Variants in PELI3 observed in about 807,000 individuals in gnomAD.
PELI3 encodes the protein pellino E3 ubiquitin protein ligase family member 3.
PELI3 carries 19 observed loss-of-function variants against 35.5 expected under a neutral mutation model. That is an observed-to-expected ratio of 0.54 (90% CI 0.37 to 0.79). The LOEUF is 0.79. Ranked by LOEUF, PELI3 falls within the 30% of genes least tolerant of loss-of-function variation. The probability of loss-of-function intolerance (pLI) is 0.00; values close to 1 mark genes in which losing one functional copy is unlikely to be tolerated. For synonymous variants in PELI3, 262 were observed against 279.2 expected (o/e 0.94, Z 0.62); for missense variants, 490 against 661.2 (o/e 0.74, Z 2.84).
Position 66,471,239 on chromosome 11 carries a change from C to T in PELI3, c.225-3C>T, listed in dbSNP as rs1292054245. 1.2e-6 allele frequency: 2 copies of T among 1,610,416 alleles called. No individual in the cohort carries two copies. The highest frequency in any genetic ancestry group is 2.2e-5 in the East Asian group (1 of 44,766). On this transcript the variant is annotated splice_region_variant and splice_polypyrimidine_tract_variant and intron_variant, in intron 3 of 7. Transcript: ENST00000320740. The stretch of plus-strand genomic sequence containing the variant: ...CCTTCTTCTTAACCCCCGACATCTA[C>T]AGCTACAATGGTTGTCTGGCAAGTG...
At position 66,473,849 on chromosome 11, in the gene PELI3, T is replaced by C; in HGVS notation, c.764T>C (p.Val255Ala). 1 of 1,613,810 alleles carries C rather than the reference T, an allele frequency of 6.2e-7. No homozygotes were observed. Among genetic ancestry groups the C allele is most frequent in the Non-Finnish European group, 8.5e-7 (1 of 1,179,994 alleles). The change falls in exon 7 of 8, where the codon GTC (valine) becomes GCC (alanine). Residue 255 changes from valine (V) to alanine (A), a missense_variant. Val to Ala is a moderately conservative substitution (Grantham distance 64, BLOSUM62 0). Transcript: ENST00000320740. This position sits in a 1 kb window ranked among gnomAD's most constrained non-coding sequence, Gnocchi z 5.8. ...GGFSEDSAPG[V>A]WREISVCGNV... ...TTCTCCGAGGACTCAGCCCCGGGTG[T>C]CTGGCGGGAGATCTCGGTCTGTGGG...
At chr11:66,472,559 T>C (rs1854761345) in intron 5 of PELI3, 89 bp downstream of exon 5, 1 of 1,082,328 alleles carries the variant, frequency 9.2e-7, no homozygotes, top group Non-Finnish European at 1.4e-6. Context: ...TGGGAGGCCA[T>C]GGGAAAGCTG....
Position 66,476,539 on chromosome 11 carries a change from A to C in PELI3, c.*372A>C. 1 of 243,248 alleles carries C rather than the reference A, an allele frequency of 4.1e-6. No homozygotes were observed. Among genetic ancestry groups the C allele is most frequent in the South Asian group, 6.9e-5 (1 of 14,558 alleles). The allele number at this position is 243,248 out of a possible 1,614,324, so 15.1% of individuals were successfully genotyped here. A position where few individuals can be genotyped will look rare whatever the true frequency, so the allele number is the denominator to read the frequency against. On this transcript the variant is annotated 3_prime_UTR_variant, in exon 8 of 8. Coordinates refer to ENST00000320740, the MANE Select transcript of PELI3 (RefSeq NM_145065.3). ...GGCTGGCTATGCCCTGAGCCTGCCA[A>C]CCCAGTTTCAGACACTCATCCTTCA...
chr11:66,466,694 G>C (rs976635026), upstream of PELI3: 15 of 152,462 alleles, frequency 9.8e-5, no homozygotes, highest in Admixed American at 2.0e-4. Context: ...AGTGGAGAGC[G>C]GGGCTTCCCT....
Position 66,473,744 on chromosome 11 carries a change from C to T in PELI3, c.659C>T (p.Ala220Val). ...TCCCTCATGTGGTCCCAGGAGCGAG[C>T]GGCCAAATGGCGGACCCCAGATGGC... ...ASSNIFLGER[A>V]AKWRTPDGLM... The change falls in exon 7 of 8, where the codon GCG (alanine) becomes GTG (valine). Residue 220 changes from alanine to valine, a missense_variant. Ala to Val is a moderately conservative substitution (Grantham distance 64). Around this residue, in one of 3 missense-constraint regions of PELI3, gnomAD observed 349 missense variants for 484.8 expected, o/e 0.72. Transcript: ENST00000320740. The surrounding 1 kb of genome is among the most constrained non-coding windows in gnomAD (Gnocchi z 5.8). The T allele has an allele frequency of 1.2e-6, 2 of 1,613,718 alleles. No individual in the cohort carries two copies. The highest frequency in any genetic ancestry group is 1.1e-5 in the South Asian group (1 of 91,082).
intron 3 of PELI3, among the ~76,000 whole-genome samples, chr11:66,469,567 T>G (rs995202154): frequency 2.0e-5 from 3 of 152,236 alleles, no homozygotes; most frequent in African/African-American, 7.2e-5. Flanking sequence ...GAAAAGCAGC[T>G]GCTTCATATC....
In PELI3 at chr11:66,471,310, C is replaced by A; in HGVS notation, c.293C>A (p.Ser98Ter). 6.2e-7 allele frequency: 1 copy of A among 1,614,008 alleles called. No individual in the cohort carries two copies. The highest frequency in any genetic ancestry group is 8.5e-7 in the Non-Finnish European group (1 of 1,179,988). ...AGCCGCCTGGCACTGAGCCGCCGGT[C>A]GCACGCCAACGGGGTGAAGCCAGAC... ...RRSRLALSRRSHANGVKPDVM... is the reference protein window; with the variant it reads ...RRSRLALSRR The change falls in exon 4 of 8, where the codon TCG (serine) becomes TAG (stop). Residue 98 changes from serine (S) to a stop codon, truncating the protein, a stop_gained. Transcript: ENST00000320740. LOFTEE classifies it high-confidence loss of function.
chr11:66,473,491 T>C lies in PELI3; in HGVS notation c.651+56T>C. 6.5e-7 allele frequency: 1 copy of C among 1,538,068 alleles called. No individual in the cohort carries two copies. Among genetic ancestry groups the C allele is most frequent in the Non-Finnish European group, 8.8e-7 (1 of 1,135,694 alleles). On this transcript the variant is annotated intron_variant, in intron 6 of 7. Coordinates refer to ENST00000320740, the MANE Select transcript of PELI3 (RefSeq NM_145065.3). This position sits in a 1 kb window ranked among gnomAD's most constrained non-coding sequence, Gnocchi z 5.8. Reference sequence around the variant, plus strand: ...TCATCTGTGAGGCAAGGGGTAGGCTTGGGAGGTGCAGCATCTTGAGGTGAT... The same window carrying C: ...TCATCTGTGAGGCAAGGGGTAGGCTCGGGAGGTGCAGCATCTTGAGGTGAT...
chr11:66,472,317 T>G, intron 4 of PELI3, 52 bp from the exon 5 acceptor site: 2 of 1,443,680 alleles, frequency 1.4e-6, no homozygotes, highest in South Asian at 2.3e-5. Context: ...GCTCAAGGCA[T>G]ACACTTATCA....
Position 66,476,495 on chromosome 11 carries a change from G to A in PELI3, c.*328G>A. 2.8e-6 allele frequency: 1 copy of A among 358,828 alleles called. No individual in the cohort carries two copies. Among genetic ancestry groups the A allele is most frequent in the Non-Finnish European group, 5.1e-6 (1 of 195,958 alleles). The allele number at this position is 358,828 out of a possible 1,614,324, so 22.2% of individuals were successfully genotyped here. ...CCCTGGGGGAGTGAAGGGGCCAGGG[G>A]CCTTTGACCCCCAGCTTAGGCTGGC... On this transcript the variant is annotated 3_prime_UTR_variant, in exon 8 of 8. Transcript: ENST00000320740.
At position 66,468,220 on chromosome 11, in the gene PELI3, C is replaced by A. The variant is rs1300267570; in HGVS notation, c.92C>A (p.Pro31His). 1 of 1,601,434 alleles carries A rather than the reference C, an allele frequency of 6.2e-7. No homozygotes were observed. Among genetic ancestry groups the A allele is most frequent in the Admixed American group, 1.7e-5 (1 of 58,810 alleles). The change falls in exon 2 of 8, where the codon CCC becomes CAC. Residue 31 changes from proline to histidine, a missense_variant. Transcript: ENST00000320740. The part of the protein sequence containing the change: ...GNKGSCVLSS[P>H]GEDAQPGEEP... ...AAGGGCTCTTGCGTTCTCTCCTCTC[C>A]CGGTGAAGATGCGCAGCCAGGCGAG...
In PELI3 at chr11:66,471,307, G is replaced by A. The variant is rs762027510; in HGVS notation, c.290G>A (p.Arg97Gln). ...CGAAGCCGCCTGGCACTGAGCCGCC[G>A]GTCGCACGCCAACGGGGTGAAGCCA... ...RRRSRLALSRRSHANGVKPDV... is the reference protein window; with the variant it reads ...RRRSRLALSRQSHANGVKPDV... Residue 97 changes from arginine to glutamine, a missense_variant, in exon 4 of 8, where the codon CGG becomes CAG. This residue lies in a region of PELI3 where 137 missense variants were observed against 157.1 expected (regional missense o/e 0.87). Coordinates refer to ENST00000320740, the MANE Select transcript of PELI3 (RefSeq NM_145065.3). 6.2e-6 allele frequency: 10 copies of A among 1,613,856 alleles called. No homozygotes were observed. Among genetic ancestry groups the A allele is most frequent in the African/African-American group, 1.3e-5 (1 of 74,932 alleles).
At chr11:66,472,287 G>T in intron 4 of PELI3, 82 bp from the exon 5 acceptor site, 3 of 1,033,942 alleles carry the variant, frequency 2.9e-6, no homozygotes, top group Non-Finnish European at 4.5e-6. Context: ...TGGCTGCTGG[G>T]CCTTGAGCTC....
At position 66,473,106 on chromosome 11, in the gene PELI3, C is replaced by T; in HGVS notation, c.457-135C>T. The T allele has an allele frequency of 4.7e-6, 4 of 852,068 alleles. No individual in the cohort carries two copies. Among genetic ancestry groups the T allele is most frequent in the Non-Finnish European group, 6.9e-6 (4 of 581,100 alleles). 52.8% of individuals were successfully genotyped at this position (852,068 alleles called of 1,614,324 possible). On this transcript the variant is annotated intron_variant, in intron 5 of 7. Coordinates refer to ENST00000320740, the MANE Select transcript of PELI3 (RefSeq NM_145065.3). The surrounding 1 kb of genome is among the most constrained non-coding windows in gnomAD (Gnocchi z 5.8). ...TAGAGGGCCTATGGAGTTGGTGCTGCCCCTTCTCCAGGGCCTGGCAGCCTC... is the reference window on the plus strand; with the variant it reads ...TAGAGGGCCTATGGAGTTGGTGCTGTCCCTTCTCCAGGGCCTGGCAGCCTC...
intron 4 of PELI3, 153 bp downstream of exon 4, chr11:66,471,524 T>C (rs1055370673): frequency 1.7e-6 from 2 of 1,169,718 alleles, no homozygotes; most frequent in Non-Finnish European, 2.4e-6. Context: ...CATCCGAGAA[T>C]GGTGATGAAA....
chr11:66,475,810 C>G lies in PELI3; in HGVS notation c.1053C>G (p.Pro351=), dbSNP rs138396296. ...GCCCAGCCCGTGGCCGCACAGCGCC[C>G]GACAAACAGCAGCCCTGGGTCTACG... is the stretch of plus-strand genomic sequence containing the variant. The part of the protein sequence containing the change: ...FPSPARGRTA[P]DKQQPWVYVR... The change falls in exon 8 of 8, where the codon CCC becomes CCG. Residue 351 remains proline, a synonymous_variant. Transcript: ENST00000320740. 6.8e-6 allele frequency: 11 copies of G among 1,607,796 alleles called. No individual in the cohort carries two copies. In the African/African-American group the frequency reaches 1.1e-4, roughly 16 times the overall value.
chr11:66,466,708 C>G (rs934394847), upstream of PELI3: 2 of 152,246 alleles, frequency 1.3e-5, no homozygotes, highest in African/African-American at 4.8e-5. Flanking sequence ...CTTCCCTGGT[C>G]AGAGGGCGGT....
At chr11:66,474,197 G>A in intron 7 of PELI3, 1 of 632,142 alleles carries the variant, frequency 1.6e-6, no homozygotes, top group East Asian at 2.8e-5. Flanking sequence ...ATACTGTGCA[G>A]TCCCAGGTGG....
rs370797659 is a variant in PELI3 at position 66,473,230 on chromosome 11, T to C, written c.457-11T>C. 1.7e-5 allele frequency: 27 copies of C among 1,601,306 alleles called. No homozygotes were observed. In the African/African-American group the frequency reaches 2.1e-4, roughly 13 times the overall value. ...ACATACAGTCCCTGCTTGCTCTCCC[T>C]GTCCTCACAGATTGGCCGCTCCACA... On this transcript the variant is annotated splice_polypyrimidine_tract_variant and intron_variant, in intron 5 of 7. Transcript: ENST00000320740. This position sits in a 1 kb window ranked among gnomAD's most constrained non-coding sequence, Gnocchi z 5.8.
Sources: gnomAD v4.1 joint callset for allele counts (sites outside exome capture counted in the v4.1 genomes callset) on GRCh38, gnomAD v4.1.1 for gene constraint, gnomAD v4.1.1 regional missense constraint, Gnocchi (gnomAD v3.1) non-coding constraint, MANE v1.5 for transcripts, NCBI Gene and HGNC (gene_info 2026-07-23, HGNC 2026-07-21) for gene names.